ELF2: variants seen among roughly 807,000 people sequenced by gnomAD.
The protein encoded by ELF2 is ETS-related transcription factor Elf-2.
A neutral mutation model predicts 54.8 loss-of-function variants in ELF2; 11 were observed. That is an observed-to-expected ratio of 0.20 (90% confidence interval 0.13 to 0.33). ELF2 has a LOEUF of 0.33. Among genes scored for constraint, ELF2 ranks in the 10% least tolerant of loss-of-function variants. The pLI, the probability that ELF2 is intolerant of heterozygous loss-of-function variation, is 1.00. For missense variants in ELF2, 513 were observed against 703.0 expected, an observed-to-expected ratio of 0.73 and a Z score of 3.06; for synonymous variants, 203 against 245.1, an observed-to-expected ratio of 0.83 and a Z score of 1.61.
At chr4:139,077,714 T>C (rs1479604582) in intron 4 of ELF2, among the ~76,000 whole-genome samples, 1 of 152,226 alleles carries the variant, frequency 6.6e-6, no homozygotes, top group Non-Finnish European at 1.5e-5. Context: ...ACTATAATTT[T>C]GCACATTTAA....
intron 1 of ELF2, among the ~76,000 whole-genome samples, chr4:139,150,518 C>CAAAA (rs34465260): frequency 1.3e-5 from 1 of 76,892 alleles, no homozygotes; most frequent in Non-Finnish European, 2.6e-5. Flanking sequence ...GACCCTGTCT[C>CAAAA]AAAAAAAAAA....
At chr4:139,136,261 T>C (rs1738141638) in intron 3 of ELF2, among the ~76,000 whole-genome samples, 1 of 152,190 alleles carries the variant, frequency 6.6e-6, no homozygotes, top group Admixed American at 6.5e-5. Flanking sequence ...CTTCTCTTAA[T>C]GGACTTTGTA....
At chr4:139,119,303 T>C (rs1310048799) in intron 4 of ELF2, among the ~76,000 whole-genome samples, 1 of 152,234 alleles carries the variant, frequency 6.6e-6, no homozygotes, top group Admixed American at 6.5e-5. Flanking sequence ...CTTTCTTTAC[T>C]AAGCTTTAGT....
chr4:139,060,886 T>TA (rs1348925120), intron 8 of ELF2, among the ~76,000 whole-genome samples: 1 of 152,218 alleles, frequency 6.6e-6, no homozygotes, highest in African/African-American at 2.4e-5. Flanking sequence ...GCCAAGGTCC[T>TA]ACAAACTTAA....
intron 1 of ELF2, among the ~76,000 whole-genome samples, chr4:139,149,082 T>C (rs1739574472): frequency 1.3e-5 from 2 of 151,894 alleles, no homozygotes; most frequent in African/African-American, 2.4e-5. Flanking sequence ...AATTACCACC[T>C]TAATTCAACA....
chr4:139,137,910 G>A (rs1279066561), intron 2 of ELF2, 43 bp from the exon 3 acceptor site: 1 of 1,243,036 alleles, frequency 8.0e-7, no homozygotes, highest in African/African-American at 1.5e-5. Flanking sequence ...AAAAATTACA[G>A]GAAGGACATA....
chr4:139,099,591 C>T (rs982854752), intron 4 of ELF2, among the ~76,000 whole-genome samples: 1 of 152,192 alleles, frequency 6.6e-6, no homozygotes, highest in African/African-American at 2.4e-5. Context: ...CAAACCACAG[C>T]TGGACCTTAG....
At chr4:139,148,612 CATTTCTCT>C (rs1284266385) in intron 1 of ELF2, among the ~76,000 whole-genome samples, 1 of 151,446 alleles carries the variant, frequency 6.6e-6, no homozygotes, top group Non-Finnish European at 1.5e-5. Flanking sequence ...AGACATATCA[CATTTCTCT>C]ATTCATCCAC....
rs983156444 is a variant in ELF2, at chr4:139,121,234, G to A, written c.238+3930C>T. On this transcript the variant is annotated intron_variant, in intron 4 of 9. Coordinates refer to ENST00000686138, the MANE Select transcript of ELF2 (RefSeq NM_001331036.3). ...CGCCATTCTCCTGCCTCAGCCTCCC[G>A]AGTAGCTGGGACTACAGGCGCCCGC... 6.7e-4 allele frequency among the ~76,000 whole-genome samples: 98 copies of A among 146,566 alleles called. 2 individuals are homozygous for A. The South Asian group carries it at 0.02, about 30-fold the overall frequency.
At chr4:139,120,324 T>C (rs1736185363) in intron 4 of ELF2, among the ~76,000 whole-genome samples, 1 of 152,220 alleles carries the variant, frequency 6.6e-6, no homozygotes, top group Non-Finnish European at 1.5e-5. Context: ...CTGTTGCTAC[T>C]ACCTTGTTTT....
chr4:139,165,528 C>T (rs1046169147), intron 1 of ELF2, among the ~76,000 whole-genome samples: 11 of 151,942 alleles, frequency 7.2e-5, no homozygotes, highest in Non-Finnish European at 1.2e-4. Context: ...CCAGGCACAA[C>T]GGCTCACGCC....
chr4:139,167,361 G>A (rs1312647005), intron 1 of ELF2, among the ~76,000 whole-genome samples: 1 of 152,132 alleles, frequency 6.6e-6, no homozygotes, highest in African/African-American at 2.4e-5. Flanking sequence ...GAAATCTAAT[G>A]TCTCCCTTGG....
chr4:139,123,689 G>C (rs1490130831), intron 4 of ELF2, among the ~76,000 whole-genome samples: 2 of 152,050 alleles, frequency 1.3e-5, no homozygotes, highest in African/African-American at 4.8e-5. Flanking sequence ...CAAAATCATA[G>C]TTTTCCTTAT....
At chr4:139,176,619 A>G (rs1161693848) in intron 1 of ELF2, among the ~76,000 whole-genome samples, 2 of 152,028 alleles carry the variant, frequency 1.3e-5, no homozygotes, top group African/African-American at 4.8e-5. Context: ...AGATGTAAAC[A>G]CGGAGAGACC....
At chr4:139,173,236 A>G (rs1437763307) in intron 1 of ELF2, among the ~76,000 whole-genome samples, 3 of 152,172 alleles carry the variant, frequency 2.0e-5, no homozygotes, top group African/African-American at 4.8e-5. Flanking sequence ...ACTAAAAATT[A>G]TTGAATTATA....
chr4:139,142,620 A>C (rs1046541461), intron 1 of ELF2, among the ~76,000 whole-genome samples: 16 of 152,298 alleles, frequency 1.1e-4, no homozygotes, highest in Admixed American at 3.9e-4. Context: ...TGCAAAAGTA[A>C]TTGCAGTTTT....
At chr4:139,064,617 T>C (rs1340320616) in intron 7 of ELF2, among the ~76,000 whole-genome samples, 2 of 152,046 alleles carry the variant, frequency 1.3e-5, no homozygotes, top group Non-Finnish European at 2.9e-5. Flanking sequence ...TGTTGGCTCA[T>C]GTGTGTAATC....
chr4:139,117,140 A>G (rs1241622469), intron 4 of ELF2, among the ~76,000 whole-genome samples: 3 of 152,198 alleles, frequency 2.0e-5, no homozygotes, highest in African/African-American at 7.2e-5. Flanking sequence ...GTTAAGGAGC[A>G]AAGTCCTGTC....
At chr4:139,062,210 G>T in intron 7 of ELF2, 153 bp from the exon 8 acceptor site, 1 of 744,584 alleles carries the variant, frequency 1.3e-6, no homozygotes, top group Non-Finnish European at 2.0e-6. Context: ...TTGCTCTGTC[G>T]CCCAGGCTGG....
Sources: gnomAD v4.1 joint callset for allele counts (sites outside exome capture counted in the v4.1 genomes callset) on GRCh38, gnomAD v4.1.1 for gene constraint, MANE v1.5 for transcripts, NCBI Gene and HGNC (gene_info 2026-07-23, HGNC 2026-07-21) for gene names.